Variants in LMX1B observed in about 807,000 individuals in gnomAD.
The protein encoded by LMX1B is LIM homeobox transcription factor 1 beta.
In LMX1B, 12 loss-of-function variants were observed where a neutral mutation model predicts 51.4. The ratio of observed to expected loss-of-function variants is 0.23; its 90% confidence interval spans 0.15 to 0.38. The LOEUF is 0.38. Among genes scored for constraint, LMX1B ranks in the 10% least tolerant of loss-of-function variants. LMX1B has a pLI of 1.00. For synonymous variants in LMX1B, 237 were observed against 235.4 expected (o/e 1.01, Z -0.06); for missense variants, 445 against 571.1 (o/e 0.78, Z 2.25).
At chr9:126,675,401 C>G (rs966027081) in intron 2 of LMX1B, among the ~76,000 whole-genome samples, 2 of 152,206 alleles carry the variant, frequency 1.3e-5, no homozygotes, top group Admixed American at 1.3e-4. Flanking sequence ...GAATGCATTA[C>G]CTCTTCAAAA....
intron 2 of LMX1B, among the ~76,000 whole-genome samples, chr9:126,684,000 G>A (rs975531860): frequency 1.3e-5 from 2 of 152,052 alleles, no homozygotes; most frequent in African/African-American, 2.4e-5. Flanking sequence ...CGTGTCCTAC[G>A]GGATGAGATT....
intron 2 of LMX1B, among the ~76,000 whole-genome samples, chr9:126,657,745 G>T (rs1028598069): frequency 6.6e-6 from 1 of 152,224 alleles, no homozygotes; most frequent in African/African-American, 2.4e-5. Flanking sequence ...TTGCTTATGC[G>T]CCAGCCAGCG....
intron 2 of LMX1B, among the ~76,000 whole-genome samples, chr9:126,655,378 G>A (rs1219486626): frequency 6.6e-6 from 1 of 152,156 alleles, no homozygotes; most frequent in Non-Finnish European, 1.5e-5. Context: ...ATGCCGGTGG[G>A]GGTGAGGGAG....
Position 126,677,061 on chromosome 9 carries a change from G to A in LMX1B, c.327-13775G>A, listed in dbSNP as rs1171641218. ...GGGCGGCTGGGGCGGGGCATGGGGC[G>A]ATCAGTTACCCACTAAATGGGCGGG... On this transcript the variant is annotated intron_variant, in intron 2 of 7. Coordinates refer to ENST00000373474, the MANE Select transcript of LMX1B (RefSeq NM_001174147.2). The surrounding 1 kb of genome is among the most constrained non-coding windows in gnomAD (Gnocchi z 5.0). Among the ~76,000 whole-genome samples the A allele has an allele frequency of 6.6e-6, 1 of 152,178 alleles. No homozygotes were observed. Among genetic ancestry groups the A allele is most frequent in the African/African-American group, 2.4e-5 (1 of 41,444 alleles).
At chr9:126,632,589 T>C (rs1300535313) in intron 2 of LMX1B, among the ~76,000 whole-genome samples, 2 of 152,280 alleles carry the variant, frequency 1.3e-5, no homozygotes, top group Non-Finnish European at 1.5e-5. Flanking sequence ...GCTGGCAACA[T>C]GTGCCTGGGA....
intron 2 of LMX1B, among the ~76,000 whole-genome samples, chr9:126,629,827 C>T (rs1835601751): frequency 6.6e-6 from 1 of 151,942 alleles, no homozygotes; most frequent in Non-Finnish European, 1.5e-5. Flanking sequence ...AGATGGCACC[C>T]TAGATCTTGA....
chr9:126,684,432 C>T (rs964300558), intron 2 of LMX1B, among the ~76,000 whole-genome samples: 3 of 152,156 alleles, frequency 2.0e-5, no homozygotes, highest in African/African-American at 7.2e-5. Flanking sequence ...CCATGCCTTC[C>T]CACACTGGTT....
At chr9:126,642,397 C>A (rs1194320107) in intron 2 of LMX1B, among the ~76,000 whole-genome samples, 1 of 152,230 alleles carries the variant, frequency 6.6e-6, no homozygotes, top group Non-Finnish European at 1.5e-5. Flanking sequence ...TTCCACCCGC[C>A]CTCGGTGCTA....
chr9:126,678,756 A>T (rs1836618989), intron 2 of LMX1B, among the ~76,000 whole-genome samples: 1 of 152,226 alleles, frequency 6.6e-6, no homozygotes, highest in Non-Finnish European at 1.5e-5. Flanking sequence ...TGCTAGAGGA[A>T]AGCTTTATAG....
At chr9:126,691,135 G>A in intron 3 of LMX1B, 67 bp downstream of exon 3, 1 of 1,291,740 alleles carries the variant, frequency 7.7e-7, no homozygotes, top group East Asian at 2.5e-5. Context: ...CTGGAGGGGA[G>A]TCCCGGCTGG....
At chr9:126,623,907 A>G (rs13298228) in intron 2 of LMX1B, among the ~76,000 whole-genome samples, 70,764 of 152,016 alleles carry the variant, frequency 0.47, 17,294 homozygotes, top group Non-Finnish European at 0.53. Context: ...GCACCCCTCC[A>G]GGCCCACCTC....
chr9:126,667,085 A>G (rs1836354392), intron 2 of LMX1B, among the ~76,000 whole-genome samples: 1 of 152,256 alleles, frequency 6.6e-6, no homozygotes, highest in Non-Finnish European at 1.5e-5. Context: ...AAAATGGGAC[A>G]GTATTCATCC....
intron 2 of LMX1B, among the ~76,000 whole-genome samples, chr9:126,678,308 T>TC (rs1836606436): frequency 9.5e-6 from 1 of 105,804 alleles, no homozygotes; most frequent in Non-Finnish European, 1.7e-5. Flanking sequence ...AGACTTCGTC[T>TC]CAAAAAAAAA....
At chr9:126,653,868 C>T (rs1031127475) in intron 2 of LMX1B, among the ~76,000 whole-genome samples, 1 of 152,126 alleles carries the variant, frequency 6.6e-6, no homozygotes, top group Non-Finnish European at 1.5e-5. Flanking sequence ...TGGTATCTCT[C>T]ATCTTTACTC....
chr9:126,614,654 C>T, intron 1 of LMX1B, 66 bp downstream of exon 1: 1 of 1,442,218 alleles, frequency 6.9e-7, no homozygotes, highest in South Asian at 1.4e-5. Context: ...CGGCTGTGGA[C>T]ACGGGCGTTG....
intron 2 of LMX1B, among the ~76,000 whole-genome samples, chr9:126,669,720 C>T (rs1836415580): frequency 6.6e-6 from 1 of 152,102 alleles, no homozygotes; most frequent in African/African-American, 2.4e-5. Flanking sequence ...CTGGTCACCT[C>T]ATGTGTGCAC....
At chr9:126,692,843 G>C (rs562320184) in intron 3 of LMX1B, among the ~76,000 whole-genome samples, 1 of 152,238 alleles carries the variant, frequency 6.6e-6, no homozygotes, top group African/African-American at 2.4e-5. Context: ...GTGGTTGTCC[G>C]AGGCGCACCT....
At position 126,697,391 on chromosome 9, in the gene LMX1B, G is replaced by A. The variant is rs944466209; in HGVS notation, c.*940G>A. 6 of 152,472 alleles carry A rather than the reference G, an allele frequency of 3.9e-5. No individual in the cohort carries two copies. Among genetic ancestry groups the A allele is most frequent in the African/African-American group, 1.4e-4 (6 of 41,512 alleles). 9.4% of individuals were successfully genotyped at this position (152,472 alleles called of 1,614,324 possible). On this transcript the variant is annotated 3_prime_UTR_variant, in exon 8 of 8. Transcript: ENST00000373474. ...GACAACAGAGCCTCCAGGGGTCAGG[G>A]ACTTCAGAAGCACCTGCTGGGCACC...
In LMX1B at chr9:126,697,246, C is replaced by T. The variant is rs532983911; in HGVS notation, c.*795C>T. The T allele has an allele frequency of 9.8e-5, 15 of 152,466 alleles. No homozygotes were observed. Among genetic ancestry groups the T allele is most frequent in the Admixed American group, 5.2e-4 (8 of 15,300 alleles). The allele number at this position is 152,466 out of a possible 1,614,324, so 9.4% of individuals were successfully genotyped here. A position where few individuals can be genotyped will look rare whatever the true frequency, so the allele number is the denominator to read the frequency against. On this transcript the variant is annotated 3_prime_UTR_variant, in exon 8 of 8. Transcript: ENST00000373474. Reference sequence around the variant, plus strand: ...AGAGGAAGAGGCGAACTTGAAGCATCGGACCCAGTTGTATCCCAGCCTGGG... The same window carrying T: ...AGAGGAAGAGGCGAACTTGAAGCATTGGACCCAGTTGTATCCCAGCCTGGG...
Sources: gnomAD v4.1 joint callset for allele counts (sites outside exome capture counted in the v4.1 genomes callset) on GRCh38, gnomAD v4.1.1 for gene constraint, Gnocchi (gnomAD v3.1) non-coding constraint, MANE v1.5 for transcripts, NCBI Gene and HGNC (gene_info 2026-07-23, HGNC 2026-07-21) for gene names.